BCL2: variants seen among roughly 807,000 people sequenced by gnomAD.
BCL2 encodes apoptosis regulator Bcl-2.
BCL2 carries 1 observed loss-of-function variant against 14.2 expected under a neutral mutation model. The observed-to-expected ratio is 0.07, with a 90% CI of 0.02 to 0.33. The LOEUF (loss-of-function observed/expected upper bound fraction) is 0.33. Among genes scored for constraint, BCL2 ranks in the 10% least tolerant of loss-of-function variants. The pLI, the probability that BCL2 is intolerant of heterozygous loss-of-function variation, is 0.99. For synonymous variants in BCL2, 151 were observed against 137.2 expected, an observed-to-expected ratio of 1.10 and a Z score of -0.70; for missense variants, 247 against 305.9, an observed-to-expected ratio of 0.81 and a Z score of 1.44.
At chr18:63,298,636 A>G (rs1912866856) in intron 2 of BCL2, among the ~76,000 whole-genome samples, 1 of 152,214 alleles carries the variant, frequency 6.6e-6, no homozygotes, top group East Asian at 1.9e-4. Context: ...ATGCAATGCT[A>G]TTTTATATTT....
chr18:63,156,444 G>A (rs924509351), intron 2 of BCL2, among the ~76,000 whole-genome samples: 7 of 152,144 alleles, frequency 4.6e-5, no homozygotes, highest in African/African-American at 1.2e-4. Context: ...CTTGTCTAGT[G>A]TGAAAACCCG....
In BCL2 at chr18:63,211,063, CTTTTTTTTTTTT is replaced by C. The variant is rs59302545; in HGVS notation, c.586-82316_586-82305del. Among the ~76,000 whole-genome samples, 14 of 59,168 alleles carry C rather than the reference CTTTTTTTTTTTT, an allele frequency of 2.4e-4. No homozygotes were observed. The Admixed American group carries it at 3.0e-3, about 13-fold the overall frequency. The allele number at this position is 59,168 out of a possible 152,430, so 38.8% of individuals were successfully genotyped here. A position where few individuals can be genotyped will look rare whatever the true frequency, so the allele number is the denominator to read the frequency against. On this transcript the variant is annotated intron_variant, in intron 2 of 2. Transcript: ENST00000333681. ...TCTTCCCATCTTTTTCTTTTCATTT[CTTTTTTTTTTTT>C]TTTTTTTTTTTTTGAGACAGAGTCT... is the stretch of plus-strand genomic sequence containing the variant.
At chr18:63,305,875 C>G (rs764956866) in intron 2 of BCL2, among the ~76,000 whole-genome samples, 20 of 152,036 alleles carry the variant, frequency 1.3e-4, no homozygotes, top group Non-Finnish European at 2.6e-4. Context: ...AGTTTGTGAC[C>G]AGCCTGGGCA....
At chr18:63,155,374 C>T (rs1001847602) in intron 2 of BCL2, among the ~76,000 whole-genome samples, 1 of 152,084 alleles carries the variant, frequency 6.6e-6, no homozygotes, top group Non-Finnish European at 1.5e-5. Context: ...TCAACAGTAT[C>T]GGATGAGTCA....
chr18:63,253,471 T>A (rs1911375502), intron 2 of BCL2, among the ~76,000 whole-genome samples: 1 of 152,182 alleles, frequency 6.6e-6, no homozygotes, highest in Admixed American at 6.5e-5. Context: ...TACCACTATA[T>A]CACATTGCTG....
intron 2 of BCL2, among the ~76,000 whole-genome samples, chr18:63,230,577 T>C (rs1910663213): frequency 6.6e-6 from 1 of 151,926 alleles, no homozygotes; most frequent in African/African-American, 2.4e-5. Context: ...AGGTAAATAT[T>C]TGACAAGATT....
Position 63,318,823 on chromosome 18 carries a change from T to G in BCL2, c.-157A>C. On this transcript the variant is annotated 5_prime_UTR_variant, in exon 2 of 3. Transcript: ENST00000333681. The surrounding 1 kb of genome is among the most constrained non-coding windows in gnomAD (Gnocchi z 7.4). ...GGGTGTCTTCAATCACGCGGAACACTTGATTCTGGTGTTTCCCCCTTGGCA... is the reference window on the plus strand; with the variant it reads ...GGGTGTCTTCAATCACGCGGAACACGTGATTCTGGTGTTTCCCCCTTGGCA... 1 of 1,432,366 alleles carries G rather than the reference T, an allele frequency of 7.0e-7. No individual in the cohort carries two copies. Among genetic ancestry groups the G allele is most frequent in the Non-Finnish European group, 9.2e-7 (1 of 1,091,800 alleles). The allele number at this position is 1,432,366 out of a possible 1,614,324, so 88.7% of individuals were successfully genotyped here. A position where few individuals can be genotyped will look rare whatever the true frequency, so the allele number is the denominator to read the frequency against.
intron 2 of BCL2, among the ~76,000 whole-genome samples, chr18:63,284,433 T>C (rs1599289830): frequency 6.6e-6 from 1 of 152,158 alleles, no homozygotes; most frequent in East Asian, 1.9e-4. Context: ...CTAAGCACAG[T>C]CCCCAAACAG....
chr18:63,231,762 C>A (rs1351501153), intron 2 of BCL2, among the ~76,000 whole-genome samples: 1 of 151,830 alleles, frequency 6.6e-6, no homozygotes, highest in Non-Finnish European at 1.5e-5. Flanking sequence ...ACATCAAATC[C>A]CCTAAAATTA....
chr18:63,169,603 A>G (rs1282619934), intron 2 of BCL2, among the ~76,000 whole-genome samples: 1 of 149,942 alleles, frequency 6.7e-6, no homozygotes, highest in African/African-American at 2.5e-5. Context: ...GCTCACTGCA[A>G]CCTCCACCTC....
chr18:63,247,007 T>C (rs1911168699), intron 2 of BCL2, among the ~76,000 whole-genome samples: 1 of 152,110 alleles, frequency 6.6e-6, no homozygotes, highest in African/African-American at 2.4e-5. Context: ...CAAATTTGAG[T>C]GATGTCTTCA....
chr18:63,196,183 G>T (rs1599237174), intron 2 of BCL2, among the ~76,000 whole-genome samples: 1 of 152,220 alleles, frequency 6.6e-6, no homozygotes, highest in African/African-American at 2.4e-5. Flanking sequence ...CTGGTACACG[G>T]TTTGTTTTTT....
At chr18:63,169,381 T>G (rs1915161967) in intron 2 of BCL2, among the ~76,000 whole-genome samples, 1 of 118,846 alleles carries the variant, frequency 8.4e-6, no homozygotes, top group African/African-American at 4.4e-5. Context: ...CTTTCTTTCT[T>G]TCTTTCTTTT....
At chr18:63,240,899 A>T (rs4987764) in intron 2 of BCL2, among the ~76,000 whole-genome samples, 1 of 152,220 alleles carries the variant, frequency 6.6e-6, no homozygotes, top group East Asian at 1.9e-4. Flanking sequence ...CGTCATTAAC[A>T]GGGTTGGTGT....
intron 2 of BCL2, among the ~76,000 whole-genome samples, chr18:63,194,013 A>G (rs1301721761): frequency 1.3e-5 from 2 of 152,230 alleles, no homozygotes; most frequent in Non-Finnish European, 2.9e-5. Flanking sequence ...GATATTCAAT[A>G]CATATGAGTT....
At chr18:63,169,355 T>TTCTTTCTTTCTTTCTTTCTTTCTTTC (rs1915153701) in intron 2 of BCL2, among the ~76,000 whole-genome samples, 1 of 63,094 alleles carries the variant, frequency 1.6e-5, no homozygotes, top group African/African-American at 8.1e-5. Flanking sequence ...CTTTCTTTCT[T>TTCTTTCTTTCTTTCTTTCTTTCTTTC]TCTTTCTTTC....
chr18:63,313,467 A>G (rs1238797377), intron 2 of BCL2, among the ~76,000 whole-genome samples: 1 of 152,228 alleles, frequency 6.6e-6, no homozygotes, highest in Non-Finnish European at 1.5e-5. Context: ...TTACTGTTAT[A>G]CCTGAATAAG....
At chr18:63,154,368 C>T (rs1430773011) in intron 2 of BCL2, among the ~76,000 whole-genome samples, 1 of 152,224 alleles carries the variant, frequency 6.6e-6, no homozygotes, top group East Asian at 1.9e-4. Context: ...CAGCTTCCCT[C>T]TGGAGTATTC....
At chr18:63,291,582 A>G (rs1912646488) in intron 2 of BCL2, among the ~76,000 whole-genome samples, 1 of 152,218 alleles carries the variant, frequency 6.6e-6, no homozygotes, top group South Asian at 2.1e-4. Flanking sequence ...AATTTAAACC[A>G]AAGTGTACCA....
Sources: gnomAD v4.1 joint callset for allele counts (sites outside exome capture counted in the v4.1 genomes callset) on GRCh38, gnomAD v4.1.1 for gene constraint, Gnocchi (gnomAD v3.1) non-coding constraint, MANE v1.5 for transcripts, NCBI Gene and HGNC (gene_info 2026-07-23, HGNC 2026-07-21) for gene names.